Variants in ATRNL1 observed in about 807,000 individuals in gnomAD.
ATRNL1 encodes attractin like 1, also known as attractin-like protein 1.
A neutral mutation model predicts 182.7 loss-of-function variants in ATRNL1; 95 were observed. That is an observed-to-expected ratio of 0.52 (90% CI 0.44 to 0.62). The LOEUF is 0.62. Among genes scored for constraint, ATRNL1 ranks in the 20% least tolerant of loss-of-function variants. The pLI is 0.00. For synonymous variants in ATRNL1, 576 were observed against 568.3 expected (o/e 1.01, Z -0.19); for missense variants, 1,471 against 1,679.5 (o/e 0.88, Z 2.17).
At chr10:115,252,929 T>C (rs1554905708) in intron 10 of ATRNL1, among the ~76,000 whole-genome samples, 1 of 152,224 alleles carries the variant, frequency 6.6e-6, no homozygotes, top group Non-Finnish European at 1.5e-5. Context: ...GTTTTTGCAG[T>C]TGCTTAATGG....
chr10:115,126,752 T>G (rs1406886202), intron 3 of ATRNL1, among the ~76,000 whole-genome samples: 2 of 152,230 alleles, frequency 1.3e-5, no homozygotes, highest in East Asian at 3.8e-4. Flanking sequence ...TTTAAAGGAA[T>G]TGACCGTGTC....
At position 115,729,992 on chromosome 10, in the gene ATRNL1, C is replaced by T. The variant is rs566374230; in HGVS notation, c.3903+2637C>T. Among the ~76,000 whole-genome samples, 159 of 152,004 alleles carry T rather than the reference C, an allele frequency of 1.0e-3. 2 individuals carry two copies. Among genetic ancestry groups the T allele is most frequent in the Non-Finnish European group, 7.5e-4 (51 of 67,960 alleles). On this transcript the variant is annotated intron_variant, in intron 27 of 28. Transcript: ENST00000355044. Reference sequence around the variant, plus strand: ...AAACTTTGGGTCCAGCATGGTGGCTCACTCCTGTAATCCCAGCACTTTGGG... The same window carrying T: ...AAACTTTGGGTCCAGCATGGTGGCTTACTCCTGTAATCCCAGCACTTTGGG...
intron 26 of ATRNL1, among the ~76,000 whole-genome samples, chr10:115,668,987 A>G (rs1555040574): frequency 6.6e-6 from 1 of 152,138 alleles, no homozygotes; most frequent in African/African-American, 2.4e-5. Flanking sequence ...AACTAGATCC[A>G]GAAAAAAATG....
chr10:115,281,299 T>C, intron 13 of ATRNL1, 56 bp from the exon 14 acceptor site: 1 of 1,503,674 alleles, frequency 6.7e-7, no homozygotes, highest in Non-Finnish European at 9.0e-7. Flanking sequence ...TACACTGAAG[T>C]TTAAGAATCA....
At chr10:115,455,322 A>T (rs1554968488) in intron 21 of ATRNL1, among the ~76,000 whole-genome samples, 1 of 152,122 alleles carries the variant, frequency 6.6e-6, no homozygotes, top group African/African-American at 2.4e-5. Context: ...AGGCCTCAGA[A>T]ATAATACCAC....
intron 17 of ATRNL1, among the ~76,000 whole-genome samples, chr10:115,311,282 C>T (rs782251144): frequency 9.9e-5 from 15 of 151,422 alleles, no homozygotes; most frequent in Non-Finnish European, 2.2e-4. Context: ...CTCCACCTCC[C>T]GGATTCAAGC....
At chr10:115,539,717 A>G (rs1399672129) in intron 25 of ATRNL1, among the ~76,000 whole-genome samples, 2 of 152,178 alleles carry the variant, frequency 1.3e-5, no homozygotes, top group Non-Finnish European at 2.9e-5. Flanking sequence ...GAACATGGGC[A>G]GCAGCAAAAT....
Position 115,680,709 on chromosome 10 carries a change from A to C in ATRNL1, c.3796-46539A>C, listed in dbSNP as rs182549736. Among the ~76,000 whole-genome samples the C allele has an allele frequency of 5.4e-3, 822 of 152,310 alleles. 2 individuals carry two copies. The highest frequency in any genetic ancestry group is 8.2e-3 in the Non-Finnish European group (560 of 68,020). On this transcript the variant is annotated intron_variant, in intron 26 of 28. Coordinates refer to ENST00000355044, the MANE Select transcript of ATRNL1 (RefSeq NM_207303.4). ...TCAATGGGTTAATAATGTATTTATC[A>C]AACACATTAAGGAATGATATGGACA...
At chr10:115,344,707 C>T (rs782346695) in intron 19 of ATRNL1, among the ~76,000 whole-genome samples, 5 of 152,170 alleles carry the variant, frequency 3.3e-5, no homozygotes, top group Non-Finnish European at 7.4e-5. Context: ...AAGAGTTTTG[C>T]CCTTTAGCCA....
intron 26 of ATRNL1, among the ~76,000 whole-genome samples, chr10:115,589,608 G>A (rs901502076): frequency 3.3e-5 from 5 of 152,048 alleles, no homozygotes; most frequent in Non-Finnish European, 5.9e-5. Flanking sequence ...TTATTTGAGT[G>A]TAGGATGATA....
intron 28 of ATRNL1, among the ~76,000 whole-genome samples, chr10:115,861,694 A>C (rs1555103507): frequency 6.6e-6 from 1 of 152,160 alleles, no homozygotes; most frequent in Non-Finnish European, 1.5e-5. Context: ...TTCTATGTTT[A>C]ACAAATTTGT....
At chr10:115,335,610 C>T (rs1855445702) in intron 19 of ATRNL1, among the ~76,000 whole-genome samples, 1 of 152,152 alleles carries the variant, frequency 6.6e-6, no homozygotes, top group East Asian at 1.9e-4. Context: ...CCTTGGTATC[C>T]ATGCGGATTA....
At chr10:115,872,621 T>C (rs1162899395) in intron 28 of ATRNL1, among the ~76,000 whole-genome samples, 3 of 152,144 alleles carry the variant, frequency 2.0e-5, no homozygotes, top group Non-Finnish European at 2.9e-5. Context: ...ATCTCACAAG[T>C]CAAGCAGCTT....
chr10:115,379,974 C>A (rs574096029), intron 19 of ATRNL1, among the ~76,000 whole-genome samples: 3 of 152,038 alleles, frequency 2.0e-5, no homozygotes, highest in African/African-American at 7.2e-5. Flanking sequence ...CTACGGGTGC[C>A]CACCACCATG....
chr10:115,878,133 TATGG>T (rs1471914668), intron 28 of ATRNL1, among the ~76,000 whole-genome samples: 3 of 152,234 alleles, frequency 2.0e-5, no homozygotes, highest in Admixed American at 2.0e-4. Flanking sequence ...TTGCTTTACA[TATGG>T]TTCTGATGTG....
At chr10:115,175,927 C>T (rs1564798234) in intron 8 of ATRNL1, among the ~76,000 whole-genome samples, 1 of 152,164 alleles carries the variant, frequency 6.6e-6, no homozygotes, top group Non-Finnish European at 1.5e-5. Flanking sequence ...TTCCCACCAA[C>T]AGTGTAAAAG....
intron 20 of ATRNL1, among the ~76,000 whole-genome samples, chr10:115,398,641 T>TAGAAA (rs1844405422): frequency 1.3e-5 from 2 of 152,108 alleles, no homozygotes; most frequent in Non-Finnish European, 2.9e-5. Context: ...TAGGATCATG[T>TAGAAA]TGTCTGCAAG....
At chr10:115,313,483 G>T (rs957311760) in intron 17 of ATRNL1, among the ~76,000 whole-genome samples, 7 of 152,100 alleles carry the variant, frequency 4.6e-5, no homozygotes, top group Non-Finnish European at 8.8e-5. Flanking sequence ...TTTATAAGTA[G>T]GTGCACTGTC....
chr10:115,433,934 G>C (rs1554964421), intron 21 of ATRNL1, among the ~76,000 whole-genome samples: 1 of 152,146 alleles, frequency 6.6e-6, no homozygotes, highest in Non-Finnish European at 1.5e-5. Context: ...TGTGTAGTAT[G>C]TATCCTTTGT....
Sources: gnomAD v4.1 joint callset for allele counts (sites outside exome capture counted in the v4.1 genomes callset) on GRCh38, gnomAD v4.1.1 for gene constraint, MANE v1.5 for transcripts, NCBI Gene and HGNC (gene_info 2026-07-23, HGNC 2026-07-21) for gene names.